The following STXBP6 variants were observed in gnomAD, a reference collection of about 807,000 sequenced individuals.
STXBP6 encodes syntaxin binding protein 6, also known as syntaxin-binding protein 6.
In STXBP6, 21 loss-of-function variants were observed where a neutral mutation model predicts 26.9. That is an observed-to-expected ratio of 0.78 (90% CI 0.55 to 1.12). STXBP6 has a LOEUF of 1.12. Among genes scored for constraint, STXBP6 ranks in the 50% most tolerant of loss-of-function variants. The probability of loss-of-function intolerance (pLI) is 0.00; values close to 1 mark genes in which losing one functional copy is unlikely to be tolerated. For synonymous variants in STXBP6, 97 were observed against 92.6 expected, an observed-to-expected ratio of 1.05 and a Z score of -0.27; for missense variants, 232 against 257.9, an observed-to-expected ratio of 0.90 and a Z score of 0.69.
chr14:24,850,391 A>C (rs1381757789), intron 4 of STXBP6, among the ~76,000 whole-genome samples: 1 of 152,102 alleles, frequency 6.6e-6, no homozygotes, highest in Non-Finnish European at 1.5e-5. Context: ...TTATACTATC[A>C]TCTGAAGGGC....
At chr14:24,829,234 A>G (rs1467221293) in intron 4 of STXBP6, among the ~76,000 whole-genome samples, 1 of 152,154 alleles carries the variant, frequency 6.6e-6, no homozygotes, top group Non-Finnish European at 1.5e-5. Flanking sequence ...GTTTAAATAT[A>G]ATATTCCTTT....
At chr14:24,906,140 T>A (rs1053002614) in intron 2 of STXBP6, among the ~76,000 whole-genome samples, 2 of 152,220 alleles carry the variant, frequency 1.3e-5, no homozygotes. Flanking sequence ...ATCATTTTCA[T>A]CCCTTAATTT....
At chr14:24,950,744 A>AC (rs1486809013) in intron 2 of STXBP6, among the ~76,000 whole-genome samples, 2 of 152,100 alleles carry the variant, frequency 1.3e-5, no homozygotes, top group Admixed American at 6.6e-5. Context: ...CTATTTAAAA[A>AC]ATTTTTTTAA....
At chr14:24,834,184 G>A (rs538957306) in intron 4 of STXBP6, among the ~76,000 whole-genome samples, 5 of 152,060 alleles carry the variant, frequency 3.3e-5, no homozygotes, top group Admixed American at 6.5e-5. Context: ...CTGTAGAGAC[G>A]AGGTCTTGCT....
intron 1 of STXBP6, among the ~76,000 whole-genome samples, chr14:25,016,082 TTGAGA>T (rs2075141316): frequency 1.3e-5 from 2 of 152,154 alleles, no homozygotes; most frequent in Admixed American, 1.3e-4. Flanking sequence ...GTTGTAATAG[TTGAGA>T]TGAGAAATGA....
rs1298028151 is a variant in STXBP6, at chr14:24,974,700, C to A, written c.119G>T (p.Gly40Val). ...GATATAAGTTAAATATTCGCCTTGA[C>A]CTCCAGTTGCCAAGAAAGGAATCTT... Reference protein sequence around the residue: ...KKKIPFLATGGQGEYLTYICL... With the variant: ...KKKIPFLATGVQGEYLTYICL... Residue 40 changes from glycine to valine, a missense_variant, in exon 2 of 6, where the codon GGT (glycine) becomes GTT (valine). Transcript: ENST00000323944. 2.6e-6 allele frequency: 4 copies of A among 1,562,230 alleles called. No homozygotes were observed. The highest frequency in any genetic ancestry group is 3.5e-6 in the Non-Finnish European group (4 of 1,150,966).
intron 1 of STXBP6, among the ~76,000 whole-genome samples, chr14:25,024,893 T>C (rs1159033618): frequency 2.0e-5 from 3 of 152,194 alleles, no homozygotes; most frequent in African/African-American, 7.2e-5. Context: ...CAACTAAAAC[T>C]TTCTTCTGTA....
chr14:24,961,950 T>C (rs148755011), intron 2 of STXBP6, among the ~76,000 whole-genome samples: 125 of 152,318 alleles, frequency 8.2e-4, no homozygotes, highest in African/African-American at 2.8e-3. Flanking sequence ...CATTTACCAC[T>C]TCTCCCATCC....
intron 2 of STXBP6, among the ~76,000 whole-genome samples, chr14:24,881,995 C>T (rs1056711396): frequency 6.6e-6 from 1 of 152,104 alleles, no homozygotes; most frequent in African/African-American, 2.4e-5. Flanking sequence ...GCAGGGCCCT[C>T]CTCTCACTAT....
rs192485225 is a variant in STXBP6 at position 24,873,207 on chromosome 14, G to C, written c.155-16050C>G. Among the ~76,000 whole-genome samples, 21 of 152,158 alleles carry C rather than the reference G, an allele frequency of 1.4e-4. 1 individual carries two copies. Among genetic ancestry groups the C allele is most frequent in the Middle Eastern group, 3.4e-3 (1 of 294 alleles). On this transcript the variant is annotated intron_variant, in intron 2 of 5. Coordinates refer to ENST00000323944, the MANE Select transcript of STXBP6 (RefSeq NM_001394410.1). ...AAATGTATCCCCTGATAAGCTTGCC[G>C]TAGGATCTTGTTTATTAGTAGTTTG...
chr14:24,948,030 C>A (rs1183612858), intron 2 of STXBP6, among the ~76,000 whole-genome samples: 3 of 152,182 alleles, frequency 2.0e-5, no homozygotes, highest in East Asian at 3.9e-4. Context: ...AAACGGCAGT[C>A]TCCATATGCA....
At chr14:24,874,342 C>T (rs1488380026) in intron 2 of STXBP6, among the ~76,000 whole-genome samples, 2 of 152,100 alleles carry the variant, frequency 1.3e-5, no homozygotes, top group East Asian at 3.9e-4. Flanking sequence ...TATTATGGGA[C>T]TCATTATACT....
At chr14:24,850,155 C>G (rs1028083837) in intron 4 of STXBP6, among the ~76,000 whole-genome samples, 2 of 152,028 alleles carry the variant, frequency 1.3e-5, no homozygotes, top group Non-Finnish European at 2.9e-5. Context: ...TAGTTGCACA[C>G]CTCACCTAGG....
intron 4 of STXBP6, among the ~76,000 whole-genome samples, chr14:24,846,951 A>G (rs1178976958): frequency 6.6e-6 from 1 of 152,162 alleles, no homozygotes. Flanking sequence ...TAGAAATCTC[A>G]TATTCCTGTA....
intron 2 of STXBP6, among the ~76,000 whole-genome samples, chr14:24,922,753 C>T (rs2072025872): frequency 6.6e-6 from 1 of 152,054 alleles, no homozygotes; most frequent in Non-Finnish European, 1.5e-5. Flanking sequence ...AACCTTATAA[C>T]AATTCCATGC....
At chr14:24,869,487 G>A (rs2069848966) in intron 2 of STXBP6, among the ~76,000 whole-genome samples, 3 of 152,148 alleles carry the variant, frequency 2.0e-5, no homozygotes, top group Non-Finnish European at 4.4e-5. Flanking sequence ...AATCCCTGGG[G>A]GGTCTTTCCA....
intron 2 of STXBP6, among the ~76,000 whole-genome samples, chr14:24,926,472 T>G (rs968067393): frequency 1.3e-5 from 2 of 152,104 alleles, no homozygotes; most frequent in Non-Finnish European, 2.9e-5. Context: ...TTAAACAAGT[T>G]AAAGAGTCAA....
chr14:24,950,458 T>C (rs181830028), intron 2 of STXBP6, among the ~76,000 whole-genome samples: 39 of 152,224 alleles, frequency 2.6e-4, no homozygotes, highest in African/African-American at 8.4e-4. Context: ...GAATAAAATA[T>C]AGCGGTATGT....
At chr14:24,924,846 A>G (rs1417290573) in intron 2 of STXBP6, among the ~76,000 whole-genome samples, 1 of 152,194 alleles carries the variant, frequency 6.6e-6, no homozygotes, top group East Asian at 1.9e-4. Context: ...GGAAAGGACA[A>G]TTATTCTGCA....
Sources: gnomAD v4.1 joint callset for allele counts (sites outside exome capture counted in the v4.1 genomes callset) on GRCh38, gnomAD v4.1.1 for gene constraint, MANE v1.5 for transcripts, NCBI Gene and HGNC (gene_info 2026-07-23, HGNC 2026-07-21) for gene names.